The following WWC1 variants were observed in gnomAD, a reference collection of about 807,000 sequenced individuals.
WWC1 encodes the protein WW and C2 domain containing 1.
WWC1 carries 55 observed loss-of-function variants against 138.4 expected under a neutral mutation model. The observed-to-expected ratio is 0.40, with a 90% confidence interval of 0.32 to 0.50. WWC1 has a LOEUF of 0.50. Ranked by LOEUF, WWC1 falls within the 20% of genes least tolerant of loss-of-function variation. The pLI is 0.72. For missense variants in WWC1, 1,226 were observed against 1,420.4 expected (o/e 0.86, Z 2.20); for synonymous variants, 524 against 564.9 (o/e 0.93, Z 1.03).
chr5:168,430,122 C>T lies in WWC1; in HGVS notation c.2001-15C>T. 4 of 1,588,382 alleles carry T rather than the reference C, an allele frequency of 2.5e-6. No individual in the cohort carries two copies. The highest frequency in any genetic ancestry group is 3.5e-6 in the Non-Finnish European group (4 of 1,157,094). ...TGTTACTAATAGGTACTTCATATGC[C>T]CCTTTTCATTTCAGGTATGATGAGA... On this transcript the variant is annotated splice_polypyrimidine_tract_variant and intron_variant, in intron 13 of 22. Transcript: ENST00000265293.
intron 1 of WWC1, among the ~76,000 whole-genome samples, chr5:168,309,963 C>T (rs1770919553): frequency 1.3e-5 from 2 of 152,336 alleles, no homozygotes; most frequent in Non-Finnish European, 1.5e-5. Flanking sequence ...TCGCCTCTTG[C>T]CTTTTCTGCC....
intron 5 of WWC1, among the ~76,000 whole-genome samples, chr5:168,401,663 G>A (rs1271230942): frequency 6.6e-6 from 1 of 152,172 alleles, no homozygotes; most frequent in African/African-American, 2.4e-5. Context: ...TGTAATTTTT[G>A]TGTCTTACAA....
At chr5:168,403,908 ACAC>A (rs1235241057) in intron 5 of WWC1, among the ~76,000 whole-genome samples, 1 of 145,510 alleles carries the variant, frequency 6.9e-6, no homozygotes, top group Non-Finnish European at 1.5e-5. Flanking sequence ...ACACACACAC[ACAC>A]TTTTCTTTCC....
At chr5:168,426,542 G>A (rs1001232052) in intron 11 of WWC1, among the ~76,000 whole-genome samples, 6 of 152,234 alleles carry the variant, frequency 3.9e-5, no homozygotes, top group Admixed American at 2.0e-4. Context: ...GAGCTTAGAC[G>A]CTAAGCAGGT....
intron 17 of WWC1, among the ~76,000 whole-genome samples, chr5:168,447,576 A>G (rs1755391278): frequency 6.6e-6 from 1 of 152,074 alleles, no homozygotes; most frequent in Admixed American, 6.6e-5. Flanking sequence ...TATAAAAACC[A>G]TTCATGGCTT....
intron 1 of WWC1, among the ~76,000 whole-genome samples, chr5:168,367,820 C>T (rs1472344504): frequency 1.3e-5 from 2 of 151,882 alleles, no homozygotes; most frequent in Non-Finnish European, 2.9e-5. Context: ...CCTTATTCAA[C>T]ATTTTAGTTA....
In WWC1 at chr5:168,423,535, T is replaced by C. The variant is rs776572863; in HGVS notation, c.1277T>C (p.Leu426Pro). Residue 426 changes from leucine to proline, a missense_variant and splice_region_variant, in exon 11 of 23, where the codon CTC (leucine) becomes CCC (proline). By Grantham distance (98) the Leu-to-Pro change is moderately conservative. Around this residue, in one of 3 missense-constraint regions of WWC1, gnomAD observed 1,016 missense variants for 1,153.9 expected, o/e 0.88. Coordinates refer to ENST00000265293, the MANE Select transcript of WWC1 (RefSeq NM_015238.3). ...VATLHSQLKS[L>P]SSSMQSLSSG... is the part of the protein sequence containing the mutation. Reference sequence around the variant, plus strand: ...TCCTTCCCCTCCCTGTGTCCCAGTCTCTCAAGCAGCATGCAGTCCCTGTCC... The same window carrying C: ...TCCTTCCCCTCCCTGTGTCCCAGTCCCTCAAGCAGCATGCAGTCCCTGTCC... 1 of 1,608,940 alleles carries C rather than the reference T, an allele frequency of 6.2e-7. No homozygotes were observed.
rs1375025612 is a variant in WWC1, at chr5:168,471,473, T to C, written c.*2456T>C. The C allele has an allele frequency of 6.6e-6, 1 of 152,308 alleles. No individual in the cohort carries two copies. Among genetic ancestry groups the C allele is most frequent in the Non-Finnish European group, 1.5e-5 (1 of 68,084 alleles). 9.4% of individuals were successfully genotyped at this position (152,308 alleles called of 1,614,324 possible). A position where few individuals can be genotyped will look rare whatever the true frequency, so the allele number is the denominator to read the frequency against. On this transcript the variant is annotated 3_prime_UTR_variant, in exon 23 of 23. Coordinates refer to ENST00000265293, the MANE Select transcript of WWC1 (RefSeq NM_015238.3). ...TAGGTTGTAGAGCACAAGGATGGTC[T>C]CGTGCTGCTCTGTGGCACCTGTGCC...
intron 9 of WWC1, among the ~76,000 whole-genome samples, chr5:168,419,871 C>CA (rs1780952928): frequency 6.6e-6 from 1 of 152,168 alleles, no homozygotes; most frequent in African/African-American, 2.4e-5. Flanking sequence ...AGATATGGTC[C>CA]AAAAGCCAGA....
chr5:168,434,242 C>G (rs963921509), intron 15 of WWC1, among the ~76,000 whole-genome samples: 12 of 152,250 alleles, frequency 7.9e-5, no homozygotes, highest in Non-Finnish European at 1.8e-4. Context: ...AAGCGCTCAT[C>G]TCACTGTGGC....
intron 11 of WWC1, among the ~76,000 whole-genome samples, chr5:168,426,711 C>G (rs1040568917): frequency 2.0e-5 from 3 of 152,000 alleles, no homozygotes; most frequent in Admixed American, 6.6e-5. Context: ...CTTGCAGTCT[C>G]CCAGACCCGC....
Position 168,471,294 on chromosome 5 carries a change from A to G in WWC1, c.*2277A>G, listed in dbSNP as rs6890606. Reference sequence around the variant, plus strand: ...CAGCCCGATTTCTCACCACTGGCCCAGGGCTTCCTCCTGCCCCGTGGCTTC... The same window carrying G: ...CAGCCCGATTTCTCACCACTGGCCCGGGGCTTCCTCCTGCCCCGTGGCTTC... On this transcript the variant is annotated 3_prime_UTR_variant, in exon 23 of 23. Coordinates refer to ENST00000265293, the MANE Select transcript of WWC1 (RefSeq NM_015238.3). 0.33 allele frequency: 50,965 copies of G among 152,326 alleles called. 10,664 individuals carry two copies. The highest frequency in any genetic ancestry group is 0.73 in the East Asian group (3,750 of 5,158). The allele number at this position is 152,326 out of a possible 1,614,324, so 9.4% of individuals were successfully genotyped here.
At position 168,471,486 on chromosome 5, in the gene WWC1, T is replaced by A. The variant is rs1190051280; in HGVS notation, c.*2469T>A. On this transcript the variant is annotated 3_prime_UTR_variant, in exon 23 of 23. Transcript: ENST00000265293. ...ACAAGGATGGTCTCGTGCTGCTCTGTGGCACCTGTGCCTACACTCCTCTGA... is the reference window on the plus strand; with the variant it reads ...ACAAGGATGGTCTCGTGCTGCTCTGAGGCACCTGTGCCTACACTCCTCTGA... 1 of 152,320 alleles carries A rather than the reference T, an allele frequency of 6.6e-6. No homozygotes were observed. Among genetic ancestry groups the A allele is most frequent in the Non-Finnish European group, 1.5e-5 (1 of 68,100 alleles). 9.4% of individuals were successfully genotyped at this position (152,320 alleles called of 1,614,324 possible).
chr5:168,319,118 T>C (rs1771850114), intron 1 of WWC1, among the ~76,000 whole-genome samples: 1 of 152,302 alleles, frequency 6.6e-6, no homozygotes, highest in East Asian at 1.9e-4. Flanking sequence ...GCTGTGAACA[T>C]ACGTGTATAA....
chr5:168,456,698 AT>A lies in WWC1; in HGVS notation c.2823+1192del, dbSNP rs10680508. On this transcript the variant is annotated intron_variant, in intron 19 of 22. Transcript: ENST00000265293. ...TAAGACAATGGATAATGCTCCGCCA[AT>A]TTTTTTTTTTTTTGTAAAATTACTG... Among the ~76,000 whole-genome samples the A allele has an allele frequency of 3.8e-4, 56 of 146,804 alleles. No homozygotes were observed. In the South Asian group the frequency reaches 5.4e-3, roughly 14 times the overall value.
intron 20 of WWC1, among the ~76,000 whole-genome samples, chr5:168,463,771 A>G (rs1757015215): frequency 6.6e-6 from 1 of 152,164 alleles, no homozygotes; most frequent in Non-Finnish European, 1.5e-5. Context: ...ATGTTGGACT[A>G]CCTTCAGGCA....
chr5:168,360,882 G>T (rs1775831093), intron 1 of WWC1, among the ~76,000 whole-genome samples: 1 of 152,256 alleles, frequency 6.6e-6, no homozygotes, highest in Non-Finnish European at 1.5e-5. Flanking sequence ...TTCCAGGACA[G>T]GGTGAGCTGC....
intron 19 of WWC1, 54 bp from the exon 20 acceptor site, chr5:168,460,596 C>T (rs1256906920): frequency 8.3e-6 from 13 of 1,569,488 alleles, no homozygotes; most frequent in African/African-American, 1.3e-5. Context: ...CTTCAGTGCA[C>T]CTTCCAGAAT....
Position 168,360,507 on chromosome 5 carries a change from C to G in WWC1, c.120-10917C>G, listed in dbSNP as rs1193736129. 5.3e-5 allele frequency among the ~76,000 whole-genome samples: 8 copies of G among 152,146 alleles called. No homozygotes were observed. The East Asian group carries it at 1.5e-3, about 29-fold the overall frequency. ...GGTCCTGTGCCTAGTGCTTCACTGG[C>G]CTTAAGTGGAAGCTGCCCTGACCTT... On this transcript the variant is annotated intron_variant, in intron 1 of 22. Transcript: ENST00000265293.
Sources: allele counts gnomAD v4.1 joint callset (sites outside exome capture counted in the v4.1 genomes callset), GRCh38; gene constraint gnomAD v4.1.1; regional missense constraint gnomAD v4.1.1; transcripts MANE v1.5; gene names NCBI Gene and HGNC (gene_info 2026-07-23, HGNC 2026-07-21).